The following NKAIN2 variants were observed in gnomAD, a reference collection of about 807,000 sequenced individuals.
The protein encoded by NKAIN2 is sodium/potassium-transporting ATPase subunit beta-1-interacting protein 2.
In NKAIN2, 14 loss-of-function variants were observed where a neutral mutation model predicts 32.6. The observed-to-expected ratio is 0.43, with a 90% confidence interval of 0.28 to 0.67. The LOEUF is 0.67. NKAIN2 is among the 30% of genes least tolerant of loss of function. The probability of loss-of-function intolerance (pLI) is 0.17; values close to 1 mark genes in which losing one functional copy is unlikely to be tolerated. For missense variants in NKAIN2, 198 were observed against 258.3 expected (o/e 0.77, Z 1.60); for synonymous variants, 80 against 87.2 (o/e 0.92, Z 0.46).
At chr6:124,107,358 C>T (rs947467744) in intron 1 of NKAIN2, among the ~76,000 whole-genome samples, 1 of 151,870 alleles carries the variant, frequency 6.6e-6, no homozygotes, top group African/African-American at 2.4e-5. Context: ...GGTAGAAAAC[C>T]AATTGTAGGA....
intron 5 of NKAIN2, among the ~76,000 whole-genome samples, chr6:124,809,505 C>T (rs1048215810): frequency 4.0e-5 from 6 of 149,996 alleles, no homozygotes; most frequent in African/African-American, 1.5e-4. Flanking sequence ...AAGACTTAAA[C>T]GTTGGACCTA....
chr6:124,440,142 G>A (rs779435010), intron 3 of NKAIN2, among the ~76,000 whole-genome samples: 5 of 152,036 alleles, frequency 3.3e-5, no homozygotes, highest in Non-Finnish European at 7.4e-5. Context: ...GAGCAGACAT[G>A]ACCTTGAGTC....
At chr6:124,329,084 C>A (rs879603272) in intron 2 of NKAIN2, among the ~76,000 whole-genome samples, 9 of 152,188 alleles carry the variant, frequency 5.9e-5, no homozygotes, top group African/African-American at 9.7e-5. Flanking sequence ...TGTCTCTGTC[C>A]TCTACTATCC....
At chr6:124,641,654 C>T (rs1280143473) in intron 3 of NKAIN2, among the ~76,000 whole-genome samples, 2 of 142,788 alleles carry the variant, frequency 1.4e-5, no homozygotes, top group African/African-American at 2.6e-5. Flanking sequence ...TGGGCTAAAG[C>T]GATTCTCCTG....
chr6:124,144,751 G>T (rs957736182), intron 1 of NKAIN2, among the ~76,000 whole-genome samples: 6 of 152,018 alleles, frequency 3.9e-5, no homozygotes, highest in Non-Finnish European at 7.4e-5. Flanking sequence ...GGCACTAAAA[G>T]CATAATCTAT....
intron 3 of NKAIN2, among the ~76,000 whole-genome samples, chr6:124,587,787 G>A (rs959791411): frequency 2.0e-5 from 3 of 152,156 alleles, no homozygotes; most frequent in African/African-American, 2.4e-5. Context: ...CTCCACTTCC[G>A]TCAGAGGAGT....
chr6:124,598,338 C>T (rs1782174775), intron 3 of NKAIN2, among the ~76,000 whole-genome samples: 1 of 152,102 alleles, frequency 6.6e-6, no homozygotes, highest in Non-Finnish European at 1.5e-5. Context: ...AAAGTGTCAG[C>T]TCTATATCAC....
chr6:124,172,439 A>G (rs1788942267), intron 1 of NKAIN2, among the ~76,000 whole-genome samples: 1 of 152,140 alleles, frequency 6.6e-6, no homozygotes, highest in Admixed American at 6.6e-5. Context: ...GTTTCATTTT[A>G]TTATGGAGTG....
chr6:123,820,629 T>C (rs559557649), intron 1 of NKAIN2, among the ~76,000 whole-genome samples: 6 of 152,214 alleles, frequency 3.9e-5, no homozygotes, highest in African/African-American at 1.4e-4. Context: ...CAGACCAGAA[T>C]CTCTCCTTGC....
intron 1 of NKAIN2, among the ~76,000 whole-genome samples, chr6:124,074,022 A>T (rs1219315061): frequency 6.6e-6 from 1 of 152,152 alleles, no homozygotes; most frequent in Non-Finnish European, 1.5e-5. Flanking sequence ...CATGGCTATG[A>T]TTTATTACAG....
At chr6:124,297,717 C>T (rs2114965802) in intron 2 of NKAIN2, among the ~76,000 whole-genome samples, 1 of 152,102 alleles carries the variant, frequency 6.6e-6, no homozygotes, top group South Asian at 2.1e-4. Flanking sequence ...CATCTTGGCC[C>T]CGCCCCCTGT....
chr6:123,821,355 G>C (rs905128294), intron 1 of NKAIN2, among the ~76,000 whole-genome samples: 3 of 152,196 alleles, frequency 2.0e-5, no homozygotes, highest in South Asian at 2.1e-4. Flanking sequence ...TGTCAGGCCA[G>C]GTGCTGATAG....
intron 1 of NKAIN2, among the ~76,000 whole-genome samples, chr6:124,253,905 C>T (rs758826482): frequency 1.3e-5 from 2 of 150,590 alleles, no homozygotes; most frequent in Non-Finnish European, 3.0e-5. Context: ...TAAACCTCCA[C>T]TCCCCAGGTT....
chr6:124,676,922 G>T (rs976655726), intron 4 of NKAIN2, among the ~76,000 whole-genome samples: 1 of 152,076 alleles, frequency 6.6e-6, no homozygotes, highest in African/African-American at 2.4e-5. Context: ...GTTATCTCAA[G>T]ATCCAGCATT....
chr6:123,938,395 GTTATATAT>G, intron 1 of NKAIN2, among the ~76,000 whole-genome samples: 1 of 77,960 alleles, frequency 1.3e-5, no homozygotes. Context: ...ATTTGCAAGG[GTTATATAT>G]ATATATATAT....
At chr6:124,373,288 G>C (rs995742587) in intron 3 of NKAIN2, among the ~76,000 whole-genome samples, 1 of 152,068 alleles carries the variant, frequency 6.6e-6, no homozygotes, top group Non-Finnish European at 1.5e-5. Flanking sequence ...TGAGGCATCA[G>C]AATTTGGTGT....
intron 3 of NKAIN2, among the ~76,000 whole-genome samples, chr6:124,629,057 G>A (rs1355992330): frequency 6.6e-6 from 1 of 152,066 alleles, no homozygotes; most frequent in African/African-American, 2.4e-5. Flanking sequence ...TGGAGTTGGT[G>A]GGGCTAAGTG....
At chr6:124,415,878 C>CTTTTTTTTTTTTTTTTTTTTGTTT in intron 3 of NKAIN2, among the ~76,000 whole-genome samples, 1 of 72,590 alleles carries the variant, frequency 1.4e-5, no homozygotes, top group Non-Finnish European at 2.6e-5. Flanking sequence ...TTTTTATTTG[C>CTTTTTTTTTTTTTTTTTTTTGTTT]TTTTTTTTTT....
At position 124,003,846 on chromosome 6, in the gene NKAIN2, T is replaced by A. The variant is rs147907665; in HGVS notation, c.54+199592T>A. 3.5e-3 allele frequency among the ~76,000 whole-genome samples: 537 copies of A among 152,180 alleles called. 1 individual carries two copies. Among genetic ancestry groups the A allele is most frequent in the South Asian group, 8.1e-3 (39 of 4,824 alleles). ...TCAACAGGTGAATGGAGGTCTGCAA[T>A]GGGAAATACAGAGTACATGCTTAAA... On this transcript the variant is annotated intron_variant, in intron 1 of 6. Coordinates refer to ENST00000368417, the MANE Select transcript of NKAIN2 (RefSeq NM_001040214.3).
Sources: allele counts gnomAD v4.1 joint callset (sites outside exome capture counted in the v4.1 genomes callset), GRCh38; gene constraint gnomAD v4.1.1; transcripts MANE v1.5; gene names NCBI Gene and HGNC (gene_info 2026-07-23, HGNC 2026-07-21).